The following DNAH8 variants were observed in gnomAD, a reference collection of about 807,000 sequenced individuals.
DNAH8 encodes dynein axonemal heavy chain 8, also known as axonemal beta dynein heavy chain 8.
DNAH8 carries 382 observed loss-of-function variants against 562.1 expected under a neutral mutation model. That is an observed-to-expected ratio of 0.68 (90% confidence interval 0.63 to 0.74). The LOEUF (loss-of-function observed/expected upper bound fraction) is 0.74, where lower values mean the gene tolerates loss of function less well. DNAH8 is among the 30% of genes least tolerant of loss of function. The probability of loss-of-function intolerance (pLI) is 0.00; values close to 1 mark genes in which losing one functional copy is unlikely to be tolerated. For missense variants in DNAH8, 5,203 were observed against 5,620.4 expected, an observed-to-expected ratio of 0.93 and a Z score of 2.37; for synonymous variants, 1,881 against 1,919.4, an observed-to-expected ratio of 0.98 and a Z score of 0.52.
chr6:38,750,636 G>A (rs777664131), intron 9 of DNAH8, 47 bp downstream of exon 9: 26 of 1,195,086 alleles, frequency 2.2e-5, no homozygotes, highest in South Asian at 5.4e-5. Flanking sequence ...GCAGTGGCTC[G>A]CATCTGTGAT....
chr6:38,911,597 T>C lies in DNAH8; in HGVS notation c.9859+11T>C. ...AACGTATGAATATTGGTAAGAGGAATGGAATGGAATGGGATGGAATAGAAA... is the reference window on the plus strand; with the variant it reads ...AACGTATGAATATTGGTAAGAGGAACGGAATGGAATGGGATGGAATAGAAA... On this transcript the variant is annotated intron_variant, in intron 66 of 92. Transcript: ENST00000327475. The C allele has an allele frequency of 5.4e-6, 8 of 1,492,804 alleles. No individual in the cohort carries two copies. Among genetic ancestry groups the C allele is most frequent in the Non-Finnish European group, 7.5e-6 (8 of 1,072,022 alleles). 92.5% of individuals were successfully genotyped at this position (1,492,804 alleles called of 1,614,324 possible).
chr6:39,008,712 C>A (rs1583558771), intron 88 of DNAH8, 102 bp from the exon 89 acceptor site: 5 of 407,392 alleles, frequency 1.2e-5, no homozygotes, highest in Admixed American at 4.6e-5. Flanking sequence ...TTTTTTGTAG[C>A]TTGCTTTGAT....
intron 53 of DNAH8, among the ~76,000 whole-genome samples, chr6:38,877,693 A>G (rs1418483664): frequency 6.6e-6 from 1 of 152,076 alleles, no homozygotes; most frequent in Non-Finnish European, 1.5e-5. Flanking sequence ...CATCCTTTTA[A>G]TTTTTTTATG....
chr6:38,843,048 T>C (rs941065360), intron 35 of DNAH8, 145 bp downstream of exon 35: 6 of 688,344 alleles, frequency 8.7e-6, no homozygotes, highest in Non-Finnish European at 1.2e-5. Flanking sequence ...TCCTGAACAT[T>C]CTTGACTTTT....
intron 85 of DNAH8, among the ~76,000 whole-genome samples, chr6:38,977,082 C>T (rs1763722714): frequency 2.0e-5 from 3 of 152,180 alleles, no homozygotes; most frequent in Admixed American, 6.5e-5. Context: ...ACTTCAGTTG[C>T]AGGGAACAAA....
Position 38,837,976 on chromosome 6 carries a change from C to G in DNAH8, c.4400C>G (p.Thr1467Arg). Reference protein sequence around the residue: ...SFDDLWRKFVTYSSGEQLFGL... With the variant: ...SFDDLWRKFVRYSSGEQLFGL... ...GATGATCTGTGGAGGAAATTTGTTACGTATTCATCTGGTGAACAACTTTTT... is the reference window on the plus strand; with the variant it reads ...GATGATCTGTGGAGGAAATTTGTTAGGTATTCATCTGGTGAACAACTTTTT... The change falls in exon 33 of 93, where the codon ACG becomes AGG. Residue 1467 changes from threonine to arginine, a missense_variant. Physicochemically the swap from Thr to Arg is moderately conservative, Grantham distance 71 (BLOSUM62 -1). This residue lies in a region of DNAH8 where 2,176 missense variants were observed against 2,365.1 expected (regional missense o/e 0.92). Coordinates refer to ENST00000327475, the MANE Select transcript of DNAH8 (RefSeq NM_001206927.2). 6.2e-7 allele frequency: 1 copy of G among 1,612,990 alleles called. No individual in the cohort carries two copies. Among genetic ancestry groups the G allele is most frequent in the Non-Finnish European group, 8.5e-7 (1 of 1,179,462 alleles).
chr6:38,765,342 T>G (rs1319843339), intron 11 of DNAH8, among the ~76,000 whole-genome samples: 1 of 152,210 alleles, frequency 6.6e-6, no homozygotes, highest in East Asian at 1.9e-4. Context: ...TTGTTTTTGT[T>G]GCCTGTACTT....
At position 38,775,962 on chromosome 6, in the gene DNAH8, A is replaced by G; in HGVS notation, c.1962+11A>G. 6.4e-7 allele frequency: 1 copy of G among 1,561,678 alleles called. No homozygotes were observed. The highest frequency in any genetic ancestry group is 1.1e-5 in the South Asian group (1 of 89,384). On this transcript the variant is annotated intron_variant, in intron 13 of 92. Coordinates refer to ENST00000327475, the MANE Select transcript of DNAH8 (RefSeq NM_001206927.2). ...ATCAATGGTTTAGAGGTAAGTAATT[A>G]TACCTACTTTTACTTAGTAAAGCTG...
chr6:38,810,099 A>T (rs1020718473), intron 24 of DNAH8, among the ~76,000 whole-genome samples: 1 of 151,984 alleles, frequency 6.6e-6, no homozygotes, highest in Non-Finnish European at 1.5e-5. Flanking sequence ...GTTTGCATTT[A>T]TTGTGATTTT....
chr6:39,012,515 G>A lies in DNAH8; in HGVS notation c.13592G>A (p.Trp4531Ter). The A allele has an allele frequency of 1.2e-6, 2 of 1,614,018 alleles. No homozygotes were observed. Among genetic ancestry groups the A allele is most frequent in the Middle Eastern group, 1.6e-4 (1 of 6,062 alleles). Residue 4531 changes from tryptophan (W) to a stop codon, truncating the protein, a stop_gained, in exon 91 of 93, where the codon TGG (tryptophan) becomes TAG (stop). Transcript: ENST00000327475. LOFTEE classifies it high-confidence loss of function. ...RIPQLWKRVS[W>*]DSSTLGFWFT... ...CCTCAGCTCTGGAAAAGAGTGTCTT[G>A]GGATTCGTCCACACTGGGCTTCTGG...
chr6:38,765,705 T>C (rs1766920708), intron 11 of DNAH8, among the ~76,000 whole-genome samples: 1 of 152,182 alleles, frequency 6.6e-6, no homozygotes. Context: ...AGCTTGGTAG[T>C]ATATAAAAAT....
chr6:38,971,558 G>A, intron 82 of DNAH8, 34 bp from the exon 83 acceptor site: 1 of 1,346,844 alleles, frequency 7.4e-7, no homozygotes, highest in Non-Finnish European at 1.0e-6. Flanking sequence ...TAAGAGTTGT[G>A]TTTCATCATA....
At chr6:38,805,801 G>A (rs2150303014) in intron 23 of DNAH8, among the ~76,000 whole-genome samples, 1 of 152,296 alleles carries the variant, frequency 6.6e-6, no homozygotes, top group Non-Finnish European at 1.5e-5. Context: ...ATGTGATTCT[G>A]TCAATTACAG....
chr6:38,766,268 A>G (rs1562705151), intron 11 of DNAH8, among the ~76,000 whole-genome samples: 1 of 152,184 alleles, frequency 6.6e-6, no homozygotes. Context: ...TAAGTGAAAT[A>G]AGCCAGGCAC....
chr6:39,030,196 T>C lies in DNAH8; in HGVS notation c.13928T>C (p.Phe4643Ser). ...ATGGAATCCACCCCCAAGGTACTCT[T>C]CACGCAGTTACCCGTGCTCCACATC... Reference protein sequence around the residue: ...KLMESTPKVLFTQLPVLHIFA... With the variant: ...KLMESTPKVLSTQLPVLHIFA... The change falls in exon 93 of 93, where the codon TTC (phenylalanine) becomes TCC (serine). Residue 4643 changes from phenylalanine (F) to serine (S), a missense_variant. Phe to Ser is a radical substitution (Grantham distance 155). This residue lies in a region of DNAH8 where 1,399 missense variants were observed against 1,518.4 expected (regional missense o/e 0.92). Transcript: ENST00000327475. The C allele has an allele frequency of 1.2e-6, 2 of 1,614,114 alleles. No homozygotes were observed. The highest frequency in any genetic ancestry group is 1.7e-6 in the Non-Finnish European group (2 of 1,180,004).
intron 29 of DNAH8, 55 bp from the exon 30 acceptor site, chr6:38,828,129 C>T: frequency 8.9e-7 from 1 of 1,129,142 alleles, no homozygotes; most frequent in African/African-American, 1.6e-5. Flanking sequence ...GCGTCTAAAT[C>T]ATTTGGCAAT....
At chr6:38,939,521 C>A (rs752158632) in intron 79 of DNAH8, among the ~76,000 whole-genome samples, 1 of 152,072 alleles carries the variant, frequency 6.6e-6, no homozygotes, top group African/African-American at 2.4e-5. Flanking sequence ...TAAGAATAAA[C>A]CAGATATTGC....
chr6:38,955,053 G>A (rs1762155525), intron 82 of DNAH8, among the ~76,000 whole-genome samples: 1 of 152,068 alleles, frequency 6.6e-6, no homozygotes, highest in South Asian at 2.1e-4. Context: ...CTAAAGCCTT[G>A]ACCTCCCAGG....
chr6:38,880,853 C>A (rs1778420926), intron 53 of DNAH8, among the ~76,000 whole-genome samples: 1 of 152,118 alleles, frequency 6.6e-6, no homozygotes, highest in East Asian at 1.9e-4. Context: ...CATGGTGAAA[C>A]CCCGTCTCTA....
Sources: allele counts gnomAD v4.1 joint callset (sites outside exome capture counted in the v4.1 genomes callset), GRCh38; gene constraint gnomAD v4.1.1; regional missense constraint gnomAD v4.1.1; transcripts MANE v1.5; gene names NCBI Gene and HGNC (gene_info 2026-07-23, HGNC 2026-07-21).